The following ANO5 variants were observed in gnomAD, a reference collection of about 807,000 sequenced individuals.
ANO5 encodes anoctamin-5.
Under a neutral mutation model 121.0 loss-of-function variants are expected in ANO5, and 109 were observed. The observed-to-expected ratio is 0.90, with a 90% CI of 0.77 to 1.06. The LOEUF is 1.06. ANO5 is among the 50% of genes least tolerant of loss of function. The probability of loss-of-function intolerance (pLI) is 0.00; values close to 1 mark genes in which losing one functional copy is unlikely to be tolerated. For missense variants in ANO5, 1,064 were observed against 1,078.5 expected (o/e 0.99, Z 0.19); for synonymous variants, 406 against 359.9 (o/e 1.13, Z -1.45).
In ANO5 at chr11:22,274,765, T is replaced by C; in HGVS notation, c.2414+18T>C. The C allele has an allele frequency of 6.2e-7, 1 of 1,611,978 alleles. No homozygotes were observed. Among genetic ancestry groups the C allele is most frequent in the Non-Finnish European group, 8.5e-7 (1 of 1,179,084 alleles). On this transcript the variant is annotated intron_variant, in intron 20 of 21. Transcript: ENST00000324559. ...ACTTGCAGGTGATTTGTTTGTTTGT[T>C]TGTTTAGGTTTTAGTTTTATCCCTT...
At position 22,262,158 on chromosome 11, in the gene ANO5, A is replaced by T; in HGVS notation, c.1660A>T (p.Ser554Cys). Residue 554 changes from serine (S) to cysteine (C), a missense_variant, in exon 16 of 22, where the codon AGC becomes TGC. Physicochemically the swap from Ser to Cys is moderately radical, Grantham distance 112. Transcript: ENST00000324559. Reference protein sequence around the residue: ...EIPRTYQEYESSLTLKMFLFQ... With the variant: ...EIPRTYQEYECSLTLKMFLFQ... ...TCCTCGAACATACCAGGAGTATGAG[A>T]GCAGTCTTACCTTGAAAATGTTCCT... is the stretch of plus-strand genomic sequence containing the variant. The T allele has an allele frequency of 1.2e-6, 2 of 1,613,986 alleles. No homozygotes were observed. The highest frequency in any genetic ancestry group is 1.7e-6 in the Non-Finnish European group (2 of 1,179,956).
Position 22,200,440 on chromosome 11 carries a change from C to T in ANO5, c.41-3364C>T, listed in dbSNP as rs188087897. Among the ~76,000 whole-genome samples, 335 of 152,262 alleles carry T rather than the reference C, an allele frequency of 2.2e-3. 1 individual carries two copies. Among genetic ancestry groups the T allele is most frequent in the African/African-American group, 7.6e-3 (317 of 41,560 alleles). On this transcript the variant is annotated intron_variant, in intron 1 of 21. Coordinates refer to ENST00000324559, the MANE Select transcript of ANO5 (RefSeq NM_213599.3). Reference sequence around the variant, plus strand: ...ATGGTACTTTGGAATGCAGCATCAGCGCTTCATGCATTCTTCCTGTTTCTT... The same window carrying T: ...ATGGTACTTTGGAATGCAGCATCAGTGCTTCATGCATTCTTCCTGTTTCTT...
chr11:22,257,849 C>T (rs1854055749), intron 14 of ANO5, 95 bp downstream of exon 14: 2 of 1,018,742 alleles, frequency 2.0e-6, no homozygotes, highest in Admixed American at 1.9e-5. Context: ...TGAGTCTTTC[C>T]TTTCCCTCTC....
chr11:22,243,692 A>C (rs1000909454), intron 9 of ANO5, among the ~76,000 whole-genome samples: 2 of 38,962 alleles, frequency 5.1e-5, no homozygotes, highest in Admixed American at 2.6e-4. Flanking sequence ...TAGATTTTCT[A>C]ATTTATGTGC....
At chr11:22,264,598 TA>T (rs935712980) in intron 17 of ANO5, among the ~76,000 whole-genome samples, 4 of 152,088 alleles carry the variant, frequency 2.6e-5, no homozygotes, top group African/African-American at 9.7e-5. Context: ...AATCAATTAT[TA>T]GAAAGTGAAC....
chr11:22,276,188 A>G lies in ANO5; in HGVS notation c.2509A>G (p.Ile837Val). 6.2e-7 allele frequency: 1 copy of G among 1,608,472 alleles called. No homozygotes were observed. Among genetic ancestry groups the G allele is most frequent in the Non-Finnish European group, 8.5e-7 (1 of 1,175,390 alleles). ...HVLAAKMTFI[I>V]VMEHVVFLVK... ...CCTTGCTGCCAAGATGACCTTCATCATTGTTATGGAAGTAAGCTGTTCTTA... is the reference window on the plus strand; with the variant it reads ...CCTTGCTGCCAAGATGACCTTCATCGTTGTTATGGAAGTAAGCTGTTCTTA... Residue 837 changes from isoleucine to valine, a missense_variant, in exon 21 of 22, where the codon ATT becomes GTT. By Grantham distance (29) the Ile-to-Val change is conservative. Transcript: ENST00000324559.
intron 10 of ANO5, 115 bp from the exon 11 acceptor site, chr11:22,250,626 A>G (rs1051115600): frequency 8.7e-7 from 1 of 1,146,660 alleles, no homozygotes; most frequent in Non-Finnish European, 1.3e-6. Context: ...TTGCTGCTTG[A>G]TTGCCCCTTC....
chr11:22,274,367 T>C (rs1204723472), intron 19 of ANO5, among the ~76,000 whole-genome samples: 2 of 152,150 alleles, frequency 1.3e-5, no homozygotes, highest in Non-Finnish European at 2.9e-5. Flanking sequence ...TTTGTAGCTA[T>C]GAAATCTTGG....
At chr11:22,272,302 G>GCA (rs60487083) in intron 18 of ANO5, among the ~76,000 whole-genome samples, 21,232 of 134,318 alleles carry the variant, frequency 0.16, 1,720 homozygotes, top group Non-Finnish European at 0.18. Flanking sequence ...TCCTTTTCCG[G>GCA]CACACACACA....
At chr11:22,227,111 CAT>C (rs1852864364) in intron 6 of ANO5, among the ~76,000 whole-genome samples, 189 bp from the exon 7 acceptor site, 1 of 151,524 alleles carries the variant, frequency 6.6e-6, no homozygotes, top group Admixed American at 6.6e-5. Flanking sequence ...TATATGTATA[CAT>C]ATATACATGT....
chr11:22,218,811 C>T lies in ANO5; in HGVS notation c.180+524C>T, dbSNP rs555588022. Among the ~76,000 whole-genome samples the T allele has an allele frequency of 1.2e-4, 19 of 152,090 alleles. 1 individual carries two copies. The South Asian group carries it at 2.9e-3, about 23-fold the overall frequency. On this transcript the variant is annotated intron_variant, in intron 4 of 21. Transcript: ENST00000324559. Reference sequence around the variant, plus strand: ...CTCCTGAGCTCAAGCAATCATCTCTCCTCGGACTCTCAAAGTGCTGGGATT... The same window carrying T: ...CTCCTGAGCTCAAGCAATCATCTCTTCTCGGACTCTCAAAGTGCTGGGATT...
At chr11:22,270,240 C>G in intron 17 of ANO5, 72 bp from the exon 18 acceptor site, 2 of 1,572,554 alleles carry the variant, frequency 1.3e-6, no homozygotes, top group Non-Finnish European at 1.7e-6. Context: ...GTTTCCAGAT[C>G]TAACACTCTG....
chr11:22,208,482 G>C (rs1852185308), intron 2 of ANO5, among the ~76,000 whole-genome samples: 1 of 151,996 alleles, frequency 6.6e-6, no homozygotes, highest in South Asian at 2.1e-4. Context: ...ACAGTATACA[G>C]ATGGAGAACA....
At chr11:22,255,603 A>G (rs1853977345) in intron 13 of ANO5, 81 bp downstream of exon 13, 2 of 1,538,550 alleles carry the variant, frequency 1.3e-6, no homozygotes, top group Non-Finnish European at 8.9e-7. Context: ...ATCATAGTTT[A>G]TTTTGCCTTT....
intron 3 of ANO5, among the ~76,000 whole-genome samples, chr11:22,216,803 T>C (rs940100840): frequency 1.3e-5 from 2 of 151,662 alleles, no homozygotes; most frequent in Non-Finnish European, 1.5e-5. Flanking sequence ...TCTTCAGTTT[T>C]ATAGTTTTAG....
At chr11:22,211,451 T>G in intron 3 of ANO5, 137 bp downstream of exon 3, 1 of 1,080,820 alleles carries the variant, frequency 9.3e-7, no homozygotes, top group Non-Finnish European at 1.4e-6. Flanking sequence ...TATATTACTT[T>G]AGAAAAAAAA....
At chr11:22,194,825 C>A (rs1851757253) in intron 1 of ANO5, among the ~76,000 whole-genome samples, 1 of 152,228 alleles carries the variant, frequency 6.6e-6, no homozygotes, top group African/African-American at 2.4e-5. Context: ...GCATACCTAT[C>A]CATTCATCGA....
intron 17 of ANO5, 140 bp from the exon 18 acceptor site, chr11:22,270,172 C>A: frequency 9.0e-7 from 1 of 1,108,990 alleles, no homozygotes; most frequent in Non-Finnish European, 1.3e-6. Flanking sequence ...TGCGCTTTGG[C>A]TGGTGTCATT....
At chr11:22,215,625 GCATCT>G (rs1008478467) in intron 3 of ANO5, among the ~76,000 whole-genome samples, 3 of 151,764 alleles carry the variant, frequency 2.0e-5, no homozygotes, top group Admixed American at 6.6e-5. Context: ...GAAGTCTTTC[GCATCT>G]CAACAACATG....
Sources: allele counts gnomAD v4.1 joint callset (sites outside exome capture counted in the v4.1 genomes callset), GRCh38; gene constraint gnomAD v4.1.1; transcripts MANE v1.5; gene names NCBI Gene and HGNC (gene_info 2026-07-23, HGNC 2026-07-21).